AHDC1: variants seen among roughly 807,000 people sequenced by gnomAD.
AHDC1 encodes AT-hook DNA binding motif containing 1.
In AHDC1, 7 loss-of-function variants were observed where a neutral mutation model predicts 87.9. That is an observed-to-expected ratio of 0.08 (90% CI 0.05 to 0.15). AHDC1 has a LOEUF of 0.15. AHDC1 is among the 10% of genes least tolerant of loss of function. AHDC1 has a pLI of 1.00. For synonymous variants in AHDC1, 1,051 were observed against 1,006.8 expected (o/e 1.04, Z -0.83); for missense variants, 1,841 against 2,253.2 (o/e 0.82, Z 3.70).
intron 8 of AHDC1, among the ~76,000 whole-genome samples, chr1:27,538,434 T>G (rs954686820): frequency 2.1e-5 from 3 of 141,034 alleles, no homozygotes; most frequent in East Asian, 4.0e-4. Flanking sequence ...AAAGAAAAAG[T>G]GCATTAGAAT....
chr1:27,589,917 C>T (rs1277819014), intron 3 of AHDC1, among the ~76,000 whole-genome samples: 1 of 152,068 alleles, frequency 6.6e-6, no homozygotes, highest in South Asian at 2.1e-4. Flanking sequence ...CCCTCAGCAC[C>T]CCCACCCCCT....
At chr1:27,571,963 C>T (rs2088534866) in intron 3 of AHDC1, among the ~76,000 whole-genome samples, 1 of 152,170 alleles carries the variant, frequency 6.6e-6, no homozygotes, top group Non-Finnish European at 1.5e-5. Flanking sequence ...ACCACTGCAG[C>T]TGCTCCAGCC....
intron 3 of AHDC1, among the ~76,000 whole-genome samples, chr1:27,582,537 C>G (rs2088936825): frequency 6.6e-6 from 1 of 152,232 alleles, no homozygotes; most frequent in South Asian, 2.1e-4. Flanking sequence ...CATCTAACGA[C>G]CATTTATTTC....
rs908523947 is a variant in AHDC1, at chr1:27,600,412, C to T, written c.-629+2985G>A. ...CATCTGGTACACAGGCATGGCACCCCCTGGTCTTGGGTGGCTGGCATGAGA... is the reference window on the plus strand; with the variant it reads ...CATCTGGTACACAGGCATGGCACCCTCTGGTCTTGGGTGGCTGGCATGAGA... On this transcript the variant is annotated intron_variant, in intron 3 of 8. Transcript: ENST00000673934. Among the ~76,000 whole-genome samples the T allele has an allele frequency of 2.0e-5, 3 of 151,956 alleles. No homozygotes were observed. The East Asian group carries it at 5.8e-4, about 30-fold the overall frequency.
chr1:27,592,511 C>T (rs1443014015), intron 3 of AHDC1, among the ~76,000 whole-genome samples: 1 of 152,186 alleles, frequency 6.6e-6, no homozygotes, highest in Non-Finnish European at 1.5e-5. Context: ...TTCAGCTCGG[C>T]ATCCTGCAGC....
At chr1:27,579,130 A>G (rs1193936228) in intron 3 of AHDC1, among the ~76,000 whole-genome samples, 1 of 150,728 alleles carries the variant, frequency 6.6e-6, no homozygotes, top group Non-Finnish European at 1.5e-5. Context: ...CTGCAGCCTC[A>G]ATCTTCTGGG....
At chr1:27,557,417 G>A (rs898378267) in intron 5 of AHDC1, among the ~76,000 whole-genome samples, 3 of 128,840 alleles carry the variant, frequency 2.3e-5, no homozygotes, top group Non-Finnish European at 5.0e-5. Context: ...CTTGTTCCAC[G>A]CCCCCCCGCT....
intron 3 of AHDC1, among the ~76,000 whole-genome samples, chr1:27,564,478 T>C (rs561609931): frequency 2.0e-5 from 3 of 152,256 alleles, no homozygotes; most frequent in African/African-American, 7.2e-5. Flanking sequence ...TGAGACAAGG[T>C]AGCATAAAGT....
At position 27,539,217 on chromosome 1, in the gene AHDC1, G is replaced by A. The variant is rs554382445; in HGVS notation, c.*44-4301C>T. Among the ~76,000 whole-genome samples, 9 of 145,356 alleles carry A rather than the reference G, an allele frequency of 6.2e-5. No homozygotes were observed. In the South Asian group the frequency reaches 7.0e-4, roughly 11 times the overall value. ...TGCAGTGTCATGATCGAGGGTCACCGCAGCCTCAAACTCCTGGGCTCAAGC... is the reference window on the plus strand; with the variant it reads ...TGCAGTGTCATGATCGAGGGTCACCACAGCCTCAAACTCCTGGGCTCAAGC... On this transcript the variant is annotated intron_variant, in intron 8 of 8. Coordinates refer to ENST00000673934, the MANE Select transcript of AHDC1 (RefSeq NM_001371928.1).
At chr1:27,603,126 G>T (rs1488770957) in intron 3 of AHDC1, among the ~76,000 whole-genome samples, 2 of 150,894 alleles carry the variant, frequency 1.3e-5, no homozygotes, top group African/African-American at 2.4e-5. Context: ...GCCGCGGGGC[G>T]GCCAGGAAAC....
chr1:27,551,186 C>T lies in AHDC1; in HGVS notation c.930G>A (p.Pro310=), dbSNP rs372591512. Residue 310 remains proline (P), a synonymous_variant, in exon 8 of 9, where the codon CCG becomes CCA. Coordinates refer to ENST00000673934, the MANE Select transcript of AHDC1 (RefSeq NM_001371928.1). The stretch of plus-strand genomic sequence containing the variant: ...TGTCCAGGGCCTGGAGAGCCAGGCC[C>T]GGCAGCCCCAGAGGATCAGCAAGAG... The part of the protein sequence containing the change: ...LQPLADPLGL[P]GLALQALDTL... The T allele has an allele frequency of 5.3e-5, 86 of 1,609,766 alleles. No individual in the cohort carries two copies. Among genetic ancestry groups the T allele is most frequent in the Non-Finnish European group, 6.4e-5 (76 of 1,179,112 alleles).
intron 3 of AHDC1, among the ~76,000 whole-genome samples, chr1:27,576,468 T>A (rs999403188): frequency 2.6e-5 from 4 of 152,234 alleles, no homozygotes; most frequent in Non-Finnish European, 1.5e-5. Context: ...ATTATTAGCA[T>A]GCGCTAACTC....
intron 3 of AHDC1, among the ~76,000 whole-genome samples, chr1:27,588,806 G>A (rs1381922857): frequency 2.6e-5 from 4 of 152,098 alleles, no homozygotes; most frequent in South Asian, 4.1e-4. Flanking sequence ...ATGCCATGAC[G>A]GCTTGGGTAT....
intron 3 of AHDC1, among the ~76,000 whole-genome samples, chr1:27,602,411 AC>A (rs534669692): frequency 1.3e-5 from 2 of 151,462 alleles, no homozygotes; most frequent in South Asian, 2.1e-4. Context: ...CTGCTGGGGA[AC>A]CCCCCCAAGC....
At chr1:27,559,971 C>T (rs2019995558) in intron 3 of AHDC1, among the ~76,000 whole-genome samples, 1 of 152,132 alleles carries the variant, frequency 6.6e-6, no homozygotes, top group Admixed American at 6.5e-5. Context: ...TATGTGGGTT[C>T]CTGGGTCTAT....
intron 3 of AHDC1, among the ~76,000 whole-genome samples, chr1:27,582,311 T>C (rs2088931312): frequency 6.6e-6 from 1 of 152,244 alleles, no homozygotes; most frequent in South Asian, 2.1e-4. Flanking sequence ...TGTCCTTATC[T>C]ATAAAATTGG....
Position 27,563,895 on chromosome 1 carries a change from C to G in AHDC1, c.-628-5012G>C, listed in dbSNP as rs1199827507. On this transcript the variant is annotated intron_variant, in intron 3 of 8. Transcript: ENST00000673934. The surrounding 1 kb of genome is among the most constrained non-coding windows in gnomAD (Gnocchi z 6.1). ...TTTCTTATTCACTGTAGTTGTGTAT[C>G]TAGGGAGGGGGCTGAATGAGTGGTG... Among the ~76,000 whole-genome samples the G allele has an allele frequency of 6.6e-6, 1 of 152,174 alleles. No homozygotes were observed. The highest frequency in any genetic ancestry group is 1.5e-5 in the Non-Finnish European group (1 of 68,020).
Position 27,558,857 on chromosome 1 carries a change from T to TG in AHDC1, c.-603dup, listed in dbSNP as rs1338981336. On this transcript the variant is annotated 5_prime_UTR_variant, in exon 4 of 9. The change abolishes the stop of an existing upstream ORF in the 5' untranslated region. Coordinates refer to ENST00000673934, the MANE Select transcript of AHDC1 (RefSeq NM_001371928.1). The surrounding 1 kb of genome is among the most constrained non-coding windows in gnomAD (Gnocchi z 5.6). ...GGGTGGGCTCTGGGGTCCAGGCCGATGGGTTGACAATCAGGCAAGCTCCCA... is the reference window on the plus strand; with the variant it reads ...GGGTGGGCTCTGGGGTCCAGGCCGATGGGGTTGACAATCAGGCAAGCTCCCA... 2.5e-6 allele frequency: 1 copy of TG among 398,428 alleles called. No individual in the cohort carries two copies. The highest frequency in any genetic ancestry group is 4.4e-6 in the Non-Finnish European group (1 of 226,084). The allele number at this position is 398,428 out of a possible 1,614,324, so 24.7% of individuals were successfully genotyped here.
rs941391150 is a variant in AHDC1, at chr1:27,552,128, C to T, written c.-13G>A. The T allele has an allele frequency of 4.2e-6, 6 of 1,437,390 alleles. No individual in the cohort carries two copies. Among genetic ancestry groups the T allele is most frequent in the East Asian group, 5.1e-5 (2 of 39,374 alleles). The allele number at this position is 1,437,390 out of a possible 1,614,324, so 89.0% of individuals were successfully genotyped here. A position where few individuals can be genotyped will look rare whatever the true frequency, so the allele number is the denominator to read the frequency against. On this transcript the variant is annotated 5_prime_UTR_variant, in exon 8 of 9. Transcript: ENST00000673934. Reference sequence around the variant, plus strand: ...GCTTCACACGCATCCTGACCTTGTCCTCCGCAGGCCGCCGGGCGGGGCCGG... The same window carrying T: ...GCTTCACACGCATCCTGACCTTGTCTTCCGCAGGCCGCCGGGCGGGGCCGG...
Sources: allele counts gnomAD v4.1 joint callset (sites outside exome capture counted in the v4.1 genomes callset), GRCh38; gene constraint gnomAD v4.1.1; non-coding constraint Gnocchi (gnomAD v3.1); transcripts MANE v1.5; gene names NCBI Gene and HGNC (gene_info 2026-07-23, HGNC 2026-07-21).